The following IL1RAPL2 variants were observed in gnomAD, a reference collection of about 807,000 sequenced individuals.
The protein encoded by IL1RAPL2 is interleukin 1 receptor accessory protein like 2.
A neutral mutation model predicts 44.1 loss-of-function variants in IL1RAPL2; 3 were observed. The ratio of observed to expected loss-of-function variants is 0.07; its 90% CI spans 0.03 to 0.18. IL1RAPL2 has a LOEUF of 0.18. Among genes scored for constraint, IL1RAPL2 ranks in the 10% least tolerant of loss-of-function variants. IL1RAPL2 has a pLI of 1.00. For synonymous variants in IL1RAPL2, 181 were observed against 178.8 expected, an observed-to-expected ratio of 1.01 and a Z score of -0.10; for missense variants, 391 against 496.4, an observed-to-expected ratio of 0.79 and a Z score of 2.02.
At chrX:105,006,104 T>G (rs2030937402) in intron 2 of IL1RAPL2, among the ~76,000 whole-genome samples, 1 of 111,003 alleles carries the variant, frequency 9.0e-6, no homozygotes, top group Admixed American at 9.6e-5. Context: ...CTTCAAAATT[T>G]AATGAGATTA....
intron 2 of IL1RAPL2, among the ~76,000 whole-genome samples, chrX:105,123,502 C>T (rs182290288): frequency 5.4e-5 from 6 of 110,610 alleles, no homozygotes; most frequent in Admixed American, 1.9e-4. Flanking sequence ...ACATTTTCCA[C>T]ACTACTGGAA....
intron 2 of IL1RAPL2, among the ~76,000 whole-genome samples, chrX:104,994,393 T>C: frequency 9.0e-6 from 1 of 111,280 alleles, no homozygotes. Flanking sequence ...TTAAAAAGGG[T>C]ACAGAGTAAC....
intron 2 of IL1RAPL2, among the ~76,000 whole-genome samples, chrX:104,761,483 A>G (rs1437933211): frequency 2.7e-5 from 3 of 110,146 alleles, no homozygotes; most frequent in African/African-American, 6.6e-5. Context: ...GAGCCAAACC[A>G]TATCATTCTC....
chrX:104,615,398 G>A (rs1602644960), intron 1 of IL1RAPL2, among the ~76,000 whole-genome samples: 2 of 100,935 alleles, frequency 2.0e-5, no homozygotes, highest in East Asian at 3.2e-4. Flanking sequence ...CCCCCAACAG[G>A]CCCCAGTGTG....
At chrX:105,628,622 G>C (rs931284115) in intron 6 of IL1RAPL2, among the ~76,000 whole-genome samples, 6 of 112,264 alleles carry the variant, frequency 5.3e-5, no homozygotes, top group African/African-American at 1.9e-4. Flanking sequence ...GGAAATGGAA[G>C]CACACTGGCT....
chrX:104,715,221 A>T (rs1931535166), intron 2 of IL1RAPL2, among the ~76,000 whole-genome samples: 1 of 109,230 alleles, frequency 9.2e-6, no homozygotes. Flanking sequence ...GGGTATATGT[A>T]TATGGGAATT....
chrX:105,237,690 GT>G (rs1318930151), intron 4 of IL1RAPL2, among the ~76,000 whole-genome samples: 2 of 111,445 alleles, frequency 1.8e-5, no homozygotes, highest in Middle Eastern at 4.6e-3. Context: ...TGATGGGGTT[GT>G]TTTTTTCGTG....
At chrX:105,474,589 G>A (rs2036186029) in intron 5 of IL1RAPL2, among the ~76,000 whole-genome samples, 2 of 111,168 alleles carry the variant, frequency 1.8e-5, no homozygotes, top group Admixed American at 1.9e-4. Context: ...ATACACACTA[G>A]TTGGTAGAGT....
chrX:104,833,024 TTA>T (rs1921653278), intron 2 of IL1RAPL2, among the ~76,000 whole-genome samples: 1 of 112,447 alleles, frequency 8.9e-6, no homozygotes. Flanking sequence ...CAGATATTCT[TTA>T]TGAGTAGAAG....
intron 2 of IL1RAPL2, among the ~76,000 whole-genome samples, chrX:104,810,944 C>G (rs1004015131): frequency 8.9e-6 from 1 of 111,958 alleles, no homozygotes; most frequent in Admixed American, 9.5e-5. Flanking sequence ...TATACCCACC[C>G]ATTTTTTCTT....
intron 2 of IL1RAPL2, among the ~76,000 whole-genome samples, chrX:105,187,830 A>T (rs1460971536): frequency 9.0e-6 from 1 of 111,628 alleles, no homozygotes; most frequent in Non-Finnish European, 1.9e-5. Context: ...TATAGTTAAT[A>T]TATACCTGAA....
rs921412523 is a variant in IL1RAPL2 at position 105,523,295 on chromosome X, C to A, written c.772+38908C>A. ...TGTCTGAATTGAAATCCTGGTTCCA[C>A]CATTTACTAGTTTTGTGACCTTGGA... is the stretch of plus-strand genomic sequence containing the variant. On this transcript the variant is annotated intron_variant, in intron 6 of 10. Coordinates refer to ENST00000372582, the MANE Select transcript of IL1RAPL2 (RefSeq NM_017416.2). Among the ~76,000 whole-genome samples the A allele has an allele frequency of 1.3e-4, 15 of 111,567 alleles. No homozygotes were observed. The Admixed American group carries it at 1.4e-3, about 11-fold the overall frequency.
intron 6 of IL1RAPL2, among the ~76,000 whole-genome samples, chrX:105,494,733 C>A (rs1191075247): frequency 1.8e-5 from 2 of 111,240 alleles, no homozygotes; most frequent in Non-Finnish European, 3.8e-5. Context: ...TGGCTCACTG[C>A]AGCCGCAAAC....
chrX:105,180,293 C>T (rs782140144), intron 2 of IL1RAPL2, among the ~76,000 whole-genome samples: 27 of 108,746 alleles, frequency 2.5e-4, no homozygotes, highest in Non-Finnish European at 4.7e-4. Flanking sequence ...GCTGAGACTG[C>T]ACCATTGCAC....
chrX:104,854,374 T>C (rs752452090), intron 2 of IL1RAPL2, among the ~76,000 whole-genome samples: 11 of 111,985 alleles, frequency 9.8e-5, no homozygotes, highest in Admixed American at 1.9e-4. Context: ...GGGATAATTA[T>C]TCATAATCAT....
intron 6 of IL1RAPL2, among the ~76,000 whole-genome samples, chrX:105,660,477 A>T: frequency 9.0e-6 from 1 of 111,562 alleles, no homozygotes; most frequent in Non-Finnish European, 1.9e-5. Flanking sequence ...AAAACACAGA[A>T]TATTACAATG....
intron 6 of IL1RAPL2, among the ~76,000 whole-genome samples, chrX:105,709,220 G>A (rs1184225833): frequency 9.0e-6 from 1 of 111,588 alleles, no homozygotes; most frequent in Non-Finnish European, 1.9e-5. Context: ...AGAACCTAGG[G>A]TTCAAGGCAA....
At chrX:104,893,244 G>T (rs1276938741) in intron 2 of IL1RAPL2, among the ~76,000 whole-genome samples, 6 of 112,066 alleles carry the variant, frequency 5.4e-5, no homozygotes, top group Non-Finnish European at 9.4e-5. Flanking sequence ...GTGTGGTGTG[G>T]TGCTGAGAAT....
At chrX:105,520,404 G>T (rs151300669) in intron 6 of IL1RAPL2, among the ~76,000 whole-genome samples, 123 of 111,239 alleles carry the variant, frequency 1.1e-3, no homozygotes, top group African/African-American at 3.7e-3. Flanking sequence ...TTTTAATTAC[G>T]ACTTATCATA....
Sources: gnomAD v4.1 joint callset for allele counts (sites outside exome capture counted in the v4.1 genomes callset) on GRCh38, gnomAD v4.1.1 for gene constraint, MANE v1.5 for transcripts, NCBI Gene and HGNC (gene_info 2026-07-23, HGNC 2026-07-21) for gene names.